The following CUL2 variants were observed in gnomAD, a reference collection of about 807,000 sequenced individuals.
The protein encoded by CUL2 is cullin 2.
A neutral mutation model predicts 110.2 loss-of-function variants in CUL2; 22 were observed. That is an observed-to-expected ratio of 0.20 (90% CI 0.14 to 0.28). CUL2 has a LOEUF of 0.28. Among genes scored for constraint, CUL2 ranks in the 10% least tolerant of loss-of-function variants. The pLI is 1.00. For missense variants in CUL2, 631 were observed against 905.5 expected, an observed-to-expected ratio of 0.70 and a Z score of 3.89; for synonymous variants, 279 against 293.2, an observed-to-expected ratio of 0.95 and a Z score of 0.49.
At chr10:35,088,897 T>G (rs1477942374) in intron 1 of CUL2, among the ~76,000 whole-genome samples, 8 of 152,164 alleles carry the variant, frequency 5.3e-5, no homozygotes, top group Admixed American at 2.0e-4. Context: ...CACTGTGGGC[T>G]GGGCGCAGTA....
chr10:35,060,812 C>T, intron 4 of CUL2, 62 bp downstream of exon 4: 1 of 1,300,512 alleles, frequency 7.7e-7, no homozygotes, highest in Non-Finnish European at 1.1e-6. Context: ...AAAAATTATC[C>T]TGTCAACTAC....
rs192233110 is a variant in CUL2 at position 35,077,355 on chromosome 10, G to A, written c.-22-6016C>T. Among the ~76,000 whole-genome samples, 392 of 149,986 alleles carry A rather than the reference G, an allele frequency of 2.6e-3. 4 individuals are homozygous for A. Among genetic ancestry groups the A allele is most frequent in the African/African-American group, 8.3e-3 (340 of 40,896 alleles). On this transcript the variant is annotated intron_variant, in intron 1 of 20. Coordinates refer to ENST00000374749, the MANE Select transcript of CUL2 (RefSeq NM_003591.4). ...CAAAAAAAACAAACAAAAATTAGCC[G>A]GGTGTGGTGGTGGCTGCCTATAATC...
intron 8 of CUL2, among the ~76,000 whole-genome samples, chr10:35,041,856 A>G (rs1361973328): frequency 6.6e-6 from 1 of 152,070 alleles, no homozygotes; most frequent in Non-Finnish European, 1.5e-5. Context: ...CTTTTCTAAT[A>G]AACATTCTTT....
chr10:35,042,743 A>T (rs1300314366), intron 8 of CUL2, among the ~76,000 whole-genome samples: 1 of 152,152 alleles, frequency 6.6e-6, no homozygotes, highest in African/African-American at 2.4e-5. Flanking sequence ...TATCCTTCTT[A>T]ATGAACTAGT....
At chr10:35,037,606 G>A (rs1055233098) in intron 9 of CUL2, among the ~76,000 whole-genome samples, 2 of 152,164 alleles carry the variant, frequency 1.3e-5, no homozygotes, top group Non-Finnish European at 2.9e-5. Context: ...AGCACTTTGG[G>A]AGGCCAAGGC....
At chr10:35,083,795 GAGTTCAAAACCAGCCTGGAGC>G (rs1213754290) in intron 1 of CUL2, among the ~76,000 whole-genome samples, 2 of 152,154 alleles carry the variant, frequency 1.3e-5, no homozygotes, top group Non-Finnish European at 2.9e-5. Flanking sequence ...TTGAGCCAAG[GAGTTCAAAACCAGCCTGGAGC>G]ATAGCCTGTA....
chr10:35,070,124 C>T (rs2086641603), intron 2 of CUL2, among the ~76,000 whole-genome samples: 1 of 152,172 alleles, frequency 6.6e-6, no homozygotes, highest in Non-Finnish European at 1.5e-5. Flanking sequence ...TTATCCGTTA[C>T]AGTCAAGTAA....
At chr10:35,041,196 T>C (rs1315998696) in intron 8 of CUL2, among the ~76,000 whole-genome samples, 1 of 152,250 alleles carries the variant, frequency 6.6e-6, no homozygotes, top group Non-Finnish European at 1.5e-5. Flanking sequence ...CAGAGCATAC[T>C]ATAGTGACTT....
Position 35,038,626 on chromosome 10 carries a change from CTT to C in CUL2, c.877+292_877+293del, listed in dbSNP as rs573657067. On this transcript the variant is annotated intron_variant, in intron 9 of 20. Transcript: ENST00000374749. ...AATATTTGTATTTCCTTTTTATAGT[CTT>C]TGCCTTTATTCCTACTGTTTATCAG... 7.8e-5 allele frequency among the ~76,000 whole-genome samples: 11 copies of C among 141,200 alleles called. No homozygotes were observed. The East Asian group carries it at 2.3e-3, about 29-fold the overall frequency. 92.6% of individuals were successfully genotyped at this position (141,200 alleles called of 152,430 possible).
At chr10:35,105,213 C>A (rs1349352987) in intron 1 of CUL2, among the ~76,000 whole-genome samples, 1 of 148,892 alleles carries the variant, frequency 6.7e-6, no homozygotes, top group African/African-American at 2.5e-5. Flanking sequence ...ATCACGAGGT[C>A]AGGAAATCGA....
intron 9 of CUL2, among the ~76,000 whole-genome samples, chr10:35,035,740 A>G (rs1214940041): frequency 6.6e-6 from 1 of 152,182 alleles, no homozygotes; most frequent in Non-Finnish European, 1.5e-5. Context: ...CAATGTTGCA[A>G]TCAATAATCT....
intron 6 of CUL2, among the ~76,000 whole-genome samples, chr10:35,047,066 G>C (rs2085962249): frequency 6.6e-6 from 1 of 152,080 alleles, no homozygotes; most frequent in African/African-American, 2.4e-5. Context: ...TAATAAAGAA[G>C]AACAAAATGA....
intron 3 of CUL2, 83 bp from the exon 4 acceptor site, chr10:35,061,051 T>C: frequency 7.3e-7 from 1 of 1,373,138 alleles, no homozygotes; most frequent in East Asian, 2.5e-5. Flanking sequence ...AAATTAATGT[T>C]CTAAAATAAT....
chr10:35,119,560 TTTTATTTATTTATTTA>T (rs10589195), intron 1 of CUL2, among the ~76,000 whole-genome samples: 1,848 of 140,736 alleles, frequency 0.013, 22 homozygotes, highest in Non-Finnish European at 0.021. Flanking sequence ...TTAAAATTAA[TTTTATTTATTTATTTA>T]TTTATTTATT....
chr10:35,083,630 C>T (rs977411909), intron 1 of CUL2, among the ~76,000 whole-genome samples: 5 of 152,084 alleles, frequency 3.3e-5, no homozygotes, highest in African/African-American at 4.8e-5. Flanking sequence ...GGGGGCATAT[C>T]GAAAGGACAC....
At chr10:35,096,991 G>T (rs181447892) in intron 2 of CUL2, among the ~76,000 whole-genome samples, 2 of 151,834 alleles carry the variant, frequency 1.3e-5, no homozygotes. Flanking sequence ...TGTATTTTTC[G>T]TAGAGACGGG....
chr10:35,037,087 C>A (rs192804900), intron 9 of CUL2, among the ~76,000 whole-genome samples: 3 of 152,274 alleles, frequency 2.0e-5, no homozygotes, highest in African/African-American at 7.2e-5. Flanking sequence ...TTTAAAATAT[C>A]TTTCCCTGTC....
At chr10:35,055,118 G>C (rs1396408539) in intron 4 of CUL2, among the ~76,000 whole-genome samples, 1 of 152,158 alleles carries the variant, frequency 6.6e-6, no homozygotes, top group South Asian at 2.1e-4. Context: ...CAGAATAACT[G>C]AGATGAATAC....
chr10:35,072,215 G>A (rs1388254706), intron 1 of CUL2, among the ~76,000 whole-genome samples: 5 of 152,048 alleles, frequency 3.3e-5, no homozygotes, highest in African/African-American at 1.2e-4. Context: ...AAATTCACAT[G>A]ACCTTTTAAG....
Sources: allele counts gnomAD v4.1 joint callset (sites outside exome capture counted in the v4.1 genomes callset), GRCh38; gene constraint gnomAD v4.1.1; transcripts MANE v1.5; gene names NCBI Gene and HGNC (gene_info 2026-07-23, HGNC 2026-07-21).